Variants in FHIP2A observed in about 807,000 individuals in gnomAD.
FHIP2A encodes FHF complex subunit HOOK interacting protein 2A.
FHIP2A carries 46 observed loss-of-function variants against 93.5 expected under a neutral mutation model. The ratio of observed to expected loss-of-function variants is 0.49; its 90% CI spans 0.39 to 0.63. FHIP2A has a LOEUF of 0.63. FHIP2A is among the 20% of genes least tolerant of loss of function. FHIP2A has a pLI of 0.00. For synonymous variants in FHIP2A, 332 were observed against 326.5 expected, an observed-to-expected ratio of 1.02 and a Z score of -0.18; for missense variants, 769 against 909.7, an observed-to-expected ratio of 0.85 and a Z score of 1.99.
downstream of FHIP2A, chr10:114,864,725 T>C (rs932368790): frequency 1.3e-5 from 13 of 977,814 alleles, no homozygotes; most frequent in African/African-American, 1.9e-4. Context: ...AAACGTCTTA[T>C]GTTTTTGTAA....
At chr10:114,897,740 T>TTTCAA (rs530908443) in intron 16 of FHIP2A, among the ~76,000 whole-genome samples, 1 of 152,054 alleles carries the variant, frequency 6.6e-6, no homozygotes, top group Non-Finnish European at 1.5e-5. Flanking sequence ...CAAAACGCTG[T>TTTCAA]TTCAACAAAA....
intron 1 of FHIP2A, among the ~76,000 whole-genome samples, chr10:114,826,653 G>A (rs2083578433): frequency 1.3e-5 from 2 of 152,148 alleles, no homozygotes; most frequent in South Asian, 4.1e-4. Flanking sequence ...CAGAGAAGAT[G>A]GGGAAGGTCA....
chr10:114,830,317 G>C (rs1206672471), intron 1 of FHIP2A, among the ~76,000 whole-genome samples: 3 of 139,748 alleles, frequency 2.1e-5, no homozygotes, highest in African/African-American at 5.7e-5. Context: ...CTGTCATCCA[G>C]GCTGGAGTGC....
intron 16 of FHIP2A, among the ~76,000 whole-genome samples, chr10:114,899,015 A>C (rs2084014243): frequency 6.6e-6 from 1 of 152,180 alleles, no homozygotes; most frequent in Admixed American, 6.5e-5. Context: ...CACTGCCCTG[A>C]CATTGCCATG....
At position 114,862,701 on chromosome 10, in the gene FHIP2A, T is replaced by C; in HGVS notation, c.*1161T>C. On this transcript the variant is annotated 3_prime_UTR_variant, in exon 17 of 17. Coordinates refer to ENST00000369248, the MANE Select transcript of FHIP2A (RefSeq NM_020940.4). ...TGCTTGTACTTGATTGACAAAATCG[T>C]GTTTGCCAGTCCACTTTCTATTTTT... 1 of 985,660 alleles carries C rather than the reference T, an allele frequency of 1.0e-6. No homozygotes were observed. Among genetic ancestry groups the C allele is most frequent in the South Asian group, 4.7e-5 (1 of 21,300 alleles). The allele number at this position is 985,660 out of a possible 1,614,324, so 61.1% of individuals were successfully genotyped here. A position where few individuals can be genotyped will look rare whatever the true frequency, so the allele number is the denominator to read the frequency against.
chr10:114,892,338 C>T (rs2083979188), intron 16 of FHIP2A, among the ~76,000 whole-genome samples: 1 of 152,020 alleles, frequency 6.6e-6, no homozygotes, highest in Admixed American at 6.6e-5. Flanking sequence ...ACATATGTGC[C>T]ATAAGTCATT....
Position 114,871,101 on chromosome 10 carries a change from AAT to A in FHIP2A, c.2192+9775_2192+9776del, listed in dbSNP as rs536445605. Reference sequence around the variant, plus strand: ...TACAAATATATGTTTTTAAATATGTAATATATATACTGTTATATATATATATT... The same window carrying A: ...TACAAATATATGTTTTTAAATATGTAATATATACTGTTATATATATATATT... On this transcript the variant is annotated intron_variant, in intron 16 of 16. Coordinates refer to the FHIP2A transcript ENST00000369250. Among the ~76,000 whole-genome samples the A allele has an allele frequency of 6.8e-4, 101 of 147,876 alleles. 3 individuals carry two copies. The South Asian group carries it at 0.021, about 31-fold the overall frequency.
rs1307031415 is a variant in FHIP2A at position 114,863,178 on chromosome 10, G to A, written c.*1638G>A. ...TAAGTAAAACAAAGAAAAAACAGAA[G>A]TGGGAGATAGTTATTTTGTGCGTAA... On this transcript the variant is annotated 3_prime_UTR_variant, in exon 17 of 17. Transcript: ENST00000369248. The A allele has an allele frequency of 3.1e-6, 3 of 976,912 alleles. No homozygotes were observed. Among genetic ancestry groups the A allele is most frequent in the East Asian group, 2.3e-4 (2 of 8,788 alleles). The allele number at this position is 976,912 out of a possible 1,614,324, so 60.5% of individuals were successfully genotyped here.
At chr10:114,839,738 C>T (rs1250819182) in intron 5 of FHIP2A, among the ~76,000 whole-genome samples, 1 of 151,816 alleles carries the variant, frequency 6.6e-6, no homozygotes, top group Non-Finnish European at 1.5e-5. Flanking sequence ...AAAAATCAGT[C>T]GGGCTTGGTG....
At position 114,861,560 on chromosome 10, in the gene FHIP2A, T is replaced by C; in HGVS notation, c.*20T>C. ...CCATAAATAACATCTTTCATGTAACTGGGGGAACAGAACTACTGTGTACAT... is the reference window on the plus strand; with the variant it reads ...CCATAAATAACATCTTTCATGTAACCGGGGGAACAGAACTACTGTGTACAT... On this transcript the variant is annotated 3_prime_UTR_variant, in exon 17 of 17. Coordinates refer to ENST00000369248, the MANE Select transcript of FHIP2A (RefSeq NM_020940.4). The C allele has an allele frequency of 1.2e-6, 2 of 1,611,042 alleles. No homozygotes were observed. The highest frequency in any genetic ancestry group is 1.7e-6 in the Non-Finnish European group (2 of 1,179,466).
intron 16 of FHIP2A, among the ~76,000 whole-genome samples, chr10:114,897,148 T>C (rs1473221133): frequency 6.6e-6 from 1 of 152,262 alleles, no homozygotes; most frequent in Non-Finnish European, 1.5e-5. Context: ...AGCCTGTTCC[T>C]CTTCCATATT....
chr10:114,848,823 C>T (rs2083717608), intron 13 of FHIP2A, 86 bp downstream of exon 13: 1 of 831,244 alleles, frequency 1.2e-6, no homozygotes, highest in Non-Finnish European at 2.0e-6. Context: ...ACCACTGCTC[C>T]AAGGAAATGA....
chr10:114,858,339 G>C (rs575912512), intron 14 of FHIP2A, among the ~76,000 whole-genome samples: 2 of 152,212 alleles, frequency 1.3e-5, no homozygotes, highest in South Asian at 2.1e-4. Flanking sequence ...ATCTGTGTCA[G>C]CCTTAAATTT....
intron 14 of FHIP2A, among the ~76,000 whole-genome samples, chr10:114,859,842 C>G (rs1188381363): frequency 1.3e-5 from 2 of 152,084 alleles, no homozygotes; most frequent in African/African-American, 2.4e-5. Flanking sequence ...TGAGATGATC[C>G]CTCTCTGTAA....
chr10:114,839,881 CAAA>C (rs10612399), intron 5 of FHIP2A, among the ~76,000 whole-genome samples: 77 of 95,550 alleles, frequency 8.1e-4, no homozygotes, highest in Middle Eastern at 0.012. Flanking sequence ...GACTCTGTCT[CAAA>C]AAAAAAAAAA....
intron 16 of FHIP2A, among the ~76,000 whole-genome samples, chr10:114,880,680 A>AACACACACACACACACAC (rs71473073): frequency 0.015 from 2,107 of 144,052 alleles, 32 homozygotes; most frequent in African/African-American, 0.031. Flanking sequence ...ACTCCATGTC[A>AACACACACACACACACAC]ACACACACAC....
At chr10:114,829,642 T>G (rs1395159939) in intron 1 of FHIP2A, among the ~76,000 whole-genome samples, 1 of 152,184 alleles carries the variant, frequency 6.6e-6, no homozygotes, top group Non-Finnish European at 1.5e-5. Flanking sequence ...AGTCTCATCG[T>G]GTGACTAAGA....
At chr10:114,844,696 T>C (rs940127800) in intron 7 of FHIP2A, among the ~76,000 whole-genome samples, 1 of 152,162 alleles carries the variant, frequency 6.6e-6, no homozygotes, top group African/African-American at 2.4e-5. Flanking sequence ...AACCTCCATC[T>C]TTTCGTTGAT....
chr10:114,884,184 A>G (rs1031186740), intron 16 of FHIP2A, among the ~76,000 whole-genome samples: 7 of 152,192 alleles, frequency 4.6e-5, no homozygotes, highest in Non-Finnish European at 8.8e-5. Flanking sequence ...TTCTGGTATA[A>G]TGAGGAGAAT....
Sources: gnomAD v4.1 joint callset for allele counts (sites outside exome capture counted in the v4.1 genomes callset) on GRCh38, gnomAD v4.1.1 for gene constraint, MANE v1.5 for transcripts, NCBI Gene and HGNC (gene_info 2026-07-23, HGNC 2026-07-21) for gene names.